The following TBC1D2B variants were observed in gnomAD, a reference collection of about 807,000 sequenced individuals.
The protein encoded by TBC1D2B is TBC1 domain family, member 2B.
Under a neutral mutation model 100.8 loss-of-function variants are expected in TBC1D2B, and 64 were observed. The observed-to-expected ratio is 0.64, with a 90% confidence interval of 0.52 to 0.78. The LOEUF (loss-of-function observed/expected upper bound fraction) is 0.78, where lower values mean the gene tolerates loss of function less well. Ranked by LOEUF, TBC1D2B falls within the 30% of genes least tolerant of loss-of-function variation. TBC1D2B has a pLI of 0.00. For missense variants in TBC1D2B, 1,052 were observed against 1,218.4 expected, an observed-to-expected ratio of 0.86 and a Z score of 2.03; for synonymous variants, 480 against 479.7, an observed-to-expected ratio of 1.00 and a Z score of -0.01.
At chr15:78,019,500 G>A (rs1048026090) in intron 6 of TBC1D2B, among the ~76,000 whole-genome samples, 3 of 151,938 alleles carry the variant, frequency 2.0e-5, no homozygotes, top group Non-Finnish European at 4.4e-5. Flanking sequence ...TACTTGTCAC[G>A]TCATGACAAG....
At chr15:78,054,259 A>G (rs1046021815) in intron 1 of TBC1D2B, 72 bp from the exon 2 acceptor site, 33 of 1,436,770 alleles carry the variant, frequency 2.3e-5, no homozygotes, top group Middle Eastern at 4.1e-4. Flanking sequence ...ATTATGTCTC[A>G]TGAGTAGACT....
Position 78,063,098 on chromosome 15 carries a change from T to C in TBC1D2B, c.361-8911A>G, listed in dbSNP as rs192917225. On this transcript the variant is annotated intron_variant, in intron 1 of 12. Coordinates refer to ENST00000300584, the MANE Select transcript of TBC1D2B (RefSeq NM_144572.2). ...CAAAGTACTCATTAGGTATCAACTA[T>C]CTATATTATCATGTTTACCGATAAC... Among the ~76,000 whole-genome samples the C allele has an allele frequency of 2.8e-3, 434 of 152,322 alleles. 1 individual carries two copies. Among genetic ancestry groups the C allele is most frequent in the Non-Finnish European group, 4.5e-3 (306 of 68,028 alleles).
intron 8 of TBC1D2B, among the ~76,000 whole-genome samples, chr15:78,014,669 G>C (rs528423837): frequency 1.1e-4 from 17 of 152,326 alleles, no homozygotes; most frequent in African/African-American, 3.8e-4. Flanking sequence ...AGAACTGCTT[G>C]AGCCCACCAG....
chr15:78,018,576 T>G (rs778863438), intron 6 of TBC1D2B, among the ~76,000 whole-genome samples: 1 of 152,180 alleles, frequency 6.6e-6, no homozygotes, highest in Non-Finnish European at 1.5e-5. Flanking sequence ...AATTAGCCAA[T>G]TGTTAACCTT....
At chr15:78,077,169 G>C (rs1378632327) in intron 1 of TBC1D2B, 124 bp downstream of exon 1, 4 of 1,289,118 alleles carry the variant, frequency 3.1e-6, no homozygotes, top group South Asian at 1.7e-5. Context: ...AGCAGGGAAA[G>C]GCAGGCCGAC....
Position 78,013,025 on chromosome 15 carries a change from C to G in TBC1D2B, c.2068G>C (p.Gly690Arg). 1 of 1,612,020 alleles carries G rather than the reference C, an allele frequency of 6.2e-7. No individual in the cohort carries two copies. Among genetic ancestry groups the G allele is most frequent in the Non-Finnish European group, 8.5e-7 (1 of 1,178,134 alleles). The change falls in exon 9 of 13, where the codon GGC (glycine) becomes CGC (arginine). Residue 690 changes from glycine (G) to arginine (R), a missense_variant. Coordinates refer to ENST00000300584, the MANE Select transcript of TBC1D2B (RefSeq NM_144572.2). ...TTCTGCAGCAAGGTCTGGAAGTGGC[C>G]AGGCTCAGTGTTGTCCTTGAACTTC... ...TRKFKDNTEPGHFQTLLQKAL... is the reference protein window; with the variant it reads ...TRKFKDNTEPRHFQTLLQKAL...
At chr15:78,036,153 G>A (rs1253520996) in intron 3 of TBC1D2B, among the ~76,000 whole-genome samples, 4 of 152,218 alleles carry the variant, frequency 2.6e-5, no homozygotes, top group African/African-American at 9.6e-5. Context: ...GCAGACATAA[G>A]TACCTTCAGT....
chr15:78,060,120 A>C (rs1378136622), intron 1 of TBC1D2B, among the ~76,000 whole-genome samples: 1 of 152,208 alleles, frequency 6.6e-6, no homozygotes, highest in African/African-American at 2.4e-5. Flanking sequence ...AAAAGGGACA[A>C]CACCATGTAC....
At chr15:78,021,586 A>G (rs997240883) in intron 6 of TBC1D2B, among the ~76,000 whole-genome samples, 1 of 152,176 alleles carries the variant, frequency 6.6e-6, no homozygotes, top group Admixed American at 6.5e-5. Flanking sequence ...ATAACAGAGC[A>G]ATGTCAGAAA....
At chr15:78,041,131 G>A (rs570830966) in intron 3 of TBC1D2B, among the ~76,000 whole-genome samples, 14 of 152,140 alleles carry the variant, frequency 9.2e-5, no homozygotes, top group East Asian at 3.9e-4. Context: ...GATTTTTCAC[G>A]ATCATGTCAC....
intron 10 of TBC1D2B, among the ~76,000 whole-genome samples, chr15:78,005,848 T>C (rs2072052587): frequency 6.6e-6 from 1 of 152,256 alleles, no homozygotes; most frequent in African/African-American, 2.4e-5. Flanking sequence ...TCTCCTTAGA[T>C]TTTACATTTA....
chr15:78,058,099 AT>A (rs2073463529), intron 1 of TBC1D2B, among the ~76,000 whole-genome samples: 1 of 152,254 alleles, frequency 6.6e-6, no homozygotes, highest in Non-Finnish European at 1.5e-5. Context: ...GATACACTGA[AT>A]AAATACGATA....
chr15:78,014,454 T>A (rs967963441), intron 8 of TBC1D2B, among the ~76,000 whole-genome samples: 6 of 152,152 alleles, frequency 3.9e-5, no homozygotes, highest in Admixed American at 1.3e-4. Context: ...CTAGAGAAAC[T>A]CTCTCACGTG....
chr15:78,051,254 C>A (rs1243924306), intron 2 of TBC1D2B, among the ~76,000 whole-genome samples: 2 of 152,160 alleles, frequency 1.3e-5, no homozygotes, highest in Non-Finnish European at 2.9e-5. Flanking sequence ...AAAATGATAT[C>A]ATCTCATATA....
At chr15:78,045,265 G>A (rs1393591014) in intron 2 of TBC1D2B, among the ~76,000 whole-genome samples, 197 bp from the exon 3 acceptor site, 4 of 152,198 alleles carry the variant, frequency 2.6e-5, no homozygotes, top group Admixed American at 6.5e-5. Context: ...ACAGATCCAT[G>A]TTTCTCAAAG....
In TBC1D2B at chr15:78,025,227, G is replaced by A. The variant is rs768505192; in HGVS notation, c.1086+32C>T. On this transcript the variant is annotated intron_variant, in intron 5 of 12. Coordinates refer to ENST00000300584, the MANE Select transcript of TBC1D2B (RefSeq NM_144572.2). ...CCTCCCGTCCTTGGCCTGCTGAGGT[G>A]GGGTAAGACAGAAGCCAGAAGAAGA... is the stretch of plus-strand genomic sequence containing the variant. 20 of 1,586,286 alleles carry A rather than the reference G, an allele frequency of 1.3e-5. No homozygotes were observed. In the South Asian group the frequency reaches 2.1e-4, roughly 17 times the overall value.
At chr15:78,046,130 C>T (rs1567028347) in intron 2 of TBC1D2B, among the ~76,000 whole-genome samples, 1 of 152,126 alleles carries the variant, frequency 6.6e-6, no homozygotes, top group African/African-American at 2.4e-5. Flanking sequence ...CGAGGTTTCA[C>T]CATGTTGGCC....
intron 1 of TBC1D2B, among the ~76,000 whole-genome samples, chr15:78,077,010 G>A (rs2073838927): frequency 6.6e-6 from 1 of 152,236 alleles, no homozygotes; most frequent in Non-Finnish European, 1.5e-5. Flanking sequence ...TGGGGGTCGG[G>A]AGACACCAGA....
chr15:78,020,437 G>C (rs2072488694), intron 6 of TBC1D2B, among the ~76,000 whole-genome samples: 1 of 152,204 alleles, frequency 6.6e-6, no homozygotes, highest in Non-Finnish European at 1.5e-5. Context: ...GATGATCACA[G>C]CAACAACACC....
Sources: gnomAD v4.1 joint callset for allele counts (sites outside exome capture counted in the v4.1 genomes callset) on GRCh38, gnomAD v4.1.1 for gene constraint, MANE v1.5 for transcripts, NCBI Gene and HGNC (gene_info 2026-07-23, HGNC 2026-07-21) for gene names.